PRKG1: variants seen among roughly 807,000 people sequenced by gnomAD.
PRKG1 encodes cGMP-dependent protein kinase 1.
Under a neutral mutation model 88.1 loss-of-function variants are expected in PRKG1, and 35 were observed. The observed-to-expected ratio is 0.40, with a 90% CI of 0.30 to 0.53. The LOEUF (loss-of-function observed/expected upper bound fraction) is 0.53. Among genes scored for constraint, PRKG1 ranks in the 20% least tolerant of loss-of-function variants. The probability of loss-of-function intolerance (pLI) is 0.59; values close to 1 mark genes in which losing one functional copy is unlikely to be tolerated. For missense variants in PRKG1, 540 were observed against 839.8 expected (o/e 0.64, Z 4.41); for synonymous variants, 303 against 292.5 (o/e 1.04, Z -0.37).
At chr10:51,946,339 T>G (rs1349569569) in intron 5 of PRKG1, among the ~76,000 whole-genome samples, 4 of 152,004 alleles carry the variant, frequency 2.6e-5, no homozygotes, top group Non-Finnish European at 4.4e-5. Flanking sequence ...CTCTGTGTTG[T>G]TTATTCTAGT....
chr10:52,276,658 C>G (rs1476251633), intron 12 of PRKG1, among the ~76,000 whole-genome samples: 3 of 152,118 alleles, frequency 2.0e-5, no homozygotes, highest in Admixed American at 2.0e-4. Flanking sequence ...ACACAGCTGT[C>G]AAGGCATAAT....
intron 14 of PRKG1, 59 bp downstream of exon 14, chr10:52,282,375 C>A: frequency 7.0e-7 from 1 of 1,438,768 alleles, no homozygotes; most frequent in East Asian, 2.3e-5. Flanking sequence ...CTACACACTC[C>A]TGCTTTTGTC....
intron 5 of PRKG1, among the ~76,000 whole-genome samples, chr10:51,992,823 A>T (rs1220048303): frequency 1.3e-5 from 2 of 152,196 alleles, no homozygotes; most frequent in Non-Finnish European, 2.9e-5. Flanking sequence ...TTACTTGTGC[A>T]AAACCCAGAT....
intron 8 of PRKG1, among the ~76,000 whole-genome samples, chr10:52,158,001 T>G (rs577983669): frequency 2.0e-5 from 3 of 151,642 alleles, no homozygotes; most frequent in Non-Finnish European, 4.4e-5. Context: ...TAACAGAAAA[T>G]TTTGAATGAA....
intron 3 of PRKG1, among the ~76,000 whole-genome samples, chr10:51,480,190 A>C (rs1840314260): frequency 6.6e-6 from 1 of 152,088 alleles, no homozygotes; most frequent in African/African-American, 2.4e-5. Context: ...ATTATTATTA[A>C]TGTTTGAGAA....
chr10:51,405,066 A>T (rs186560738), intron 2 of PRKG1, among the ~76,000 whole-genome samples: 2 of 152,316 alleles, frequency 1.3e-5, no homozygotes, highest in African/African-American at 4.8e-5. Context: ...TGAGTCTTAT[A>T]TATGTTTTGG....
At chr10:51,887,540 A>G (rs1426373575) in intron 4 of PRKG1, among the ~76,000 whole-genome samples, 2 of 152,208 alleles carry the variant, frequency 1.3e-5, no homozygotes, top group African/African-American at 2.4e-5. Flanking sequence ...TCAACAGTGT[A>G]TAAGAGTTCT....
intron 2 of PRKG1, among the ~76,000 whole-genome samples, chr10:51,417,975 A>T (rs1838290717): frequency 6.6e-6 from 1 of 151,942 alleles, no homozygotes; most frequent in South Asian, 2.1e-4. Flanking sequence ...TTTTACGTTA[A>T]CCTCCCCGCT....
intron 4 of PRKG1, among the ~76,000 whole-genome samples, chr10:51,868,073 T>C (rs7071831): frequency 0.14 from 21,595 of 151,906 alleles, 3,385 homozygotes; most frequent in African/African-American, 0.38. Flanking sequence ...GGAAGGAAAA[T>C]GGAATGGAGA....
At chr10:51,231,710 A>ATT (rs758817416) in intron 2 of PRKG1, among the ~76,000 whole-genome samples, 20 of 140,148 alleles carry the variant, frequency 1.4e-4, no homozygotes, top group African/African-American at 4.2e-4. Flanking sequence ...CATCTGAAAC[A>ATT]TTTTTTTTTT....
intron 4 of PRKG1, among the ~76,000 whole-genome samples, chr10:51,888,535 C>G (rs1841631264): frequency 6.6e-6 from 1 of 152,194 alleles, no homozygotes; most frequent in African/African-American, 2.4e-5. Flanking sequence ...ATAGACACAG[C>G]TTCACTTTTT....
chr10:52,206,095 TCA>T (rs1839812910), intron 9 of PRKG1, among the ~76,000 whole-genome samples: 1 of 110,104 alleles, frequency 9.1e-6, no homozygotes, highest in African/African-American at 3.2e-5. Context: ...CCATATTTGT[TCA>T]TTCTTTTTAA....
intron 3 of PRKG1, among the ~76,000 whole-genome samples, chr10:51,522,136 G>A (rs915911166): frequency 6.6e-5 from 10 of 152,084 alleles, no homozygotes; most frequent in African/African-American, 2.2e-4. Context: ...TAGGTCTAGG[G>A]CAATGAGTAA....
At chr10:51,233,118 G>T (rs1838890356) in intron 2 of PRKG1, among the ~76,000 whole-genome samples, 1 of 152,154 alleles carries the variant, frequency 6.6e-6, no homozygotes, top group African/African-American at 2.4e-5. Context: ...GGAAAGAGCA[G>T]GCAAAGATAA....
At chr10:51,779,248 C>T (rs1838521803) in intron 3 of PRKG1, among the ~76,000 whole-genome samples, 2 of 152,208 alleles carry the variant, frequency 1.3e-5, no homozygotes, top group South Asian at 2.1e-4. Context: ...TTATTTGAAA[C>T]TTTATGACAA....
At chr10:51,805,993 G>A (rs1839296006) in intron 4 of PRKG1, among the ~76,000 whole-genome samples, 1 of 152,038 alleles carries the variant, frequency 6.6e-6, no homozygotes, top group Non-Finnish European at 1.5e-5. Flanking sequence ...TTATTCAGGT[G>A]CCTTCTATAT....
chr10:51,102,025 C>CA (rs1288438532), intron 1 of PRKG1, among the ~76,000 whole-genome samples: 4 of 152,110 alleles, frequency 2.6e-5, no homozygotes, highest in Admixed American at 2.0e-4. Context: ...TGGTATTTGC[C>CA]AATTTCTGTG....
At chr10:51,712,519 T>G (rs141977960) in intron 3 of PRKG1, among the ~76,000 whole-genome samples, 10 of 151,948 alleles carry the variant, frequency 6.6e-5, no homozygotes, top group Middle Eastern at 6.8e-3. Context: ...AGATTTAATA[T>G]ATAGCAGTAT....
intron 3 of PRKG1, among the ~76,000 whole-genome samples, chr10:51,751,013 G>C (rs1837711099): frequency 6.6e-6 from 1 of 152,040 alleles, no homozygotes; most frequent in South Asian, 2.1e-4. Context: ...CTTCCACTCT[G>C]TCCCATAATG....
Sources: allele counts gnomAD v4.1 joint callset (sites outside exome capture counted in the v4.1 genomes callset), GRCh38; gene constraint gnomAD v4.1.1; transcripts MANE v1.5; gene names NCBI Gene and HGNC (gene_info 2026-07-23, HGNC 2026-07-21).